The following DIAPH2 variants were observed in gnomAD, a reference collection of about 807,000 sequenced individuals.
DIAPH2 encodes the protein diaphanous related formin 2, also known as protein diaphanous homolog 2.
DIAPH2 carries 35 observed loss-of-function variants against 92.7 expected under a neutral mutation model. The ratio of observed to expected loss-of-function variants is 0.38; its 90% CI spans 0.29 to 0.50. The LOEUF is 0.50. Among genes scored for constraint, DIAPH2 ranks in the 20% least tolerant of loss-of-function variants. The pLI is 0.94. For missense variants in DIAPH2, 701 were observed against 819.5 expected, an observed-to-expected ratio of 0.86 and a Z score of 1.77; for synonymous variants, 301 against 280.4, an observed-to-expected ratio of 1.07 and a Z score of -0.73.
intron 3 of DIAPH2, among the ~76,000 whole-genome samples, chrX:96,757,156 A>G (rs912463477): frequency 1.4e-4 from 15 of 110,341 alleles, no homozygotes; most frequent in Non-Finnish European, 2.7e-4. Context: ...TGACCTCGTG[A>G]TCCACCCGCC....
chrX:96,836,093 G>A (rs914663849), intron 4 of DIAPH2, among the ~76,000 whole-genome samples: 1 of 103,047 alleles, frequency 9.7e-6, no homozygotes, highest in Non-Finnish European at 2.0e-5. Flanking sequence ...GCCTAGCCAA[G>A]CATGGAATTT....
intron 12 of DIAPH2, among the ~76,000 whole-genome samples, chrX:96,940,729 A>T: frequency 8.9e-6 from 1 of 112,154 alleles, no homozygotes; most frequent in Non-Finnish European, 1.9e-5. Context: ...AAGGCTGGTT[A>T]TACGTTAAAA....
At chrX:97,005,857 A>G (rs983404302) in intron 17 of DIAPH2, among the ~76,000 whole-genome samples, 21 of 106,979 alleles carry the variant, frequency 2.0e-4, no homozygotes, top group African/African-American at 6.5e-4. Context: ...TAGTGGTTTG[A>G]TCTTGCTTTC....
chrX:97,090,827 C>G (rs1217326249), intron 19 of DIAPH2, among the ~76,000 whole-genome samples: 1 of 111,089 alleles, frequency 9.0e-6, no homozygotes, highest in Non-Finnish European at 1.9e-5. Context: ...TGTGTGTGTA[C>G]AGTTCAAAGC....
At chrX:97,439,341 G>A (rs1294758211) in intron 26 of DIAPH2, among the ~76,000 whole-genome samples, 3 of 111,078 alleles carry the variant, frequency 2.7e-5, no homozygotes, top group Non-Finnish European at 3.8e-5. Context: ...TTGGGAGGCC[G>A]AGGCAGGGGG....
At chrX:97,045,292 A>G (rs1471824083) in intron 17 of DIAPH2, among the ~76,000 whole-genome samples, 1 of 111,933 alleles carries the variant, frequency 8.9e-6, no homozygotes, top group Non-Finnish European at 1.9e-5. Context: ...ATAGAGAGTT[A>G]TGCCTTGGCC....
intron 19 of DIAPH2, among the ~76,000 whole-genome samples, chrX:97,084,749 T>C (rs1441587536): frequency 9.0e-6 from 1 of 111,486 alleles, no homozygotes. Context: ...AAGGGGCCTC[T>C]AGATAAAGAA....
At chrX:97,432,158 A>C (rs1200336979) in intron 26 of DIAPH2, among the ~76,000 whole-genome samples, 1 of 112,348 alleles carries the variant, frequency 8.9e-6, no homozygotes, top group Non-Finnish European at 1.9e-5. Context: ...AATCAGAGTC[A>C]ACCACAATCA....
intron 25 of DIAPH2, among the ~76,000 whole-genome samples, chrX:97,412,082 G>C (rs755773316): frequency 1.8e-5 from 2 of 111,774 alleles, no homozygotes; most frequent in African/African-American, 3.3e-5. Flanking sequence ...CTCTCCACCC[G>C]AAATCAACAG....
At chrX:97,325,634 G>A (rs911060472) in intron 23 of DIAPH2, among the ~76,000 whole-genome samples, 2 of 110,294 alleles carry the variant, frequency 1.8e-5, no homozygotes, top group Non-Finnish European at 3.8e-5. Flanking sequence ...CTGGAGTGCA[G>A]TGGTGTGATC....
intron 22 of DIAPH2, among the ~76,000 whole-genome samples, chrX:97,246,943 T>C (rs770274950): frequency 5.3e-4 from 59 of 111,627 alleles, no homozygotes; most frequent in Admixed American, 1.3e-3. Context: ...ATCTATAAAA[T>C]AGTTGAAAGT....
chrX:97,190,611 G>A (rs1459970484), intron 22 of DIAPH2, among the ~76,000 whole-genome samples: 1 of 110,760 alleles, frequency 9.0e-6, no homozygotes, highest in Admixed American at 9.6e-5. Flanking sequence ...CACTTTGGGA[G>A]GCTGAGGTGG....
intron 13 of DIAPH2, among the ~76,000 whole-genome samples, chrX:96,942,441 TAG>T (rs1484444300): frequency 4.5e-5 from 5 of 111,285 alleles, no homozygotes; most frequent in Non-Finnish European, 9.5e-5. Context: ...CATTACTATT[TAG>T]AAACATGACT....
At chrX:97,148,999 G>A (rs746138316) in intron 22 of DIAPH2, among the ~76,000 whole-genome samples, 1 of 111,582 alleles carries the variant, frequency 9.0e-6, no homozygotes, top group Non-Finnish European at 1.9e-5. Flanking sequence ...CCAAGTCATA[G>A]GACCTAATGG....
chrX:97,280,613 AATT>A (rs754800143), intron 23 of DIAPH2, among the ~76,000 whole-genome samples: 126 of 111,592 alleles, frequency 1.1e-3, no homozygotes, highest in African/African-American at 4.1e-3. Flanking sequence ...CTGGTACTAA[AATT>A]ATTATGTCTT....
At chrX:97,528,844 G>C (rs2071041202) in intron 26 of DIAPH2, 1 of 111,424 alleles carries the variant, frequency 9.0e-6, no homozygotes, top group Admixed American at 9.5e-5. Flanking sequence ...AGAAAAAAAG[G>C]CCAAGGTGGG....
At chrX:97,477,611 AATCT>A (rs61700508) in intron 26 of DIAPH2, among the ~76,000 whole-genome samples, 40,269 of 108,049 alleles carry the variant, frequency 0.37, 5,666 homozygotes, top group East Asian at 0.55. Context: ...TCTAAAAAAA[AATCT>A]ATCTATCTAT....
intron 3 of DIAPH2, among the ~76,000 whole-genome samples, chrX:96,748,282 G>A (rs1351215684): frequency 8.9e-6 from 1 of 111,997 alleles, no homozygotes; most frequent in African/African-American, 3.2e-5. Flanking sequence ...GATGCTACAT[G>A]TTGGAAGTGT....
At chrX:97,272,659 A>G (rs1167239066) in intron 23 of DIAPH2, among the ~76,000 whole-genome samples, 1 of 111,566 alleles carries the variant, frequency 9.0e-6, no homozygotes. Context: ...ACAGCACTTT[A>G]ATTAAGTTCA....
Sources: allele counts gnomAD v4.1 joint callset (sites outside exome capture counted in the v4.1 genomes callset), GRCh38; gene constraint gnomAD v4.1.1; transcripts MANE v1.5; gene names NCBI Gene and HGNC (gene_info 2026-07-23, HGNC 2026-07-21).